Variants in EHBP1 observed in about 807,000 individuals in gnomAD.
The protein encoded by EHBP1 is EH domain-binding protein 1.
EHBP1 carries 55 observed loss-of-function variants against 144.0 expected under a neutral mutation model. The ratio of observed to expected loss-of-function variants is 0.38; its 90% CI spans 0.31 to 0.48. The LOEUF (loss-of-function observed/expected upper bound fraction) is 0.48, where lower values mean the gene tolerates loss of function less well. EHBP1 is among the 20% of genes least tolerant of loss of function. The pLI is 0.98. For synonymous variants in EHBP1, 469 were observed against 472.7 expected, an observed-to-expected ratio of 0.99 and a Z score of 0.10; for missense variants, 1,200 against 1,364.2, an observed-to-expected ratio of 0.88 and a Z score of 1.90.
At chr2:62,993,724 C>A (rs546297330) in intron 17 of EHBP1, 56 bp downstream of exon 17, 8 of 919,126 alleles carry the variant, frequency 8.7e-6, no homozygotes, top group Non-Finnish European at 1.2e-5. Flanking sequence ...ATATAGATAT[C>A]TATATATAGT....
At chr2:62,812,179 G>A in intron 5 of EHBP1, among the ~76,000 whole-genome samples, 1 of 152,150 alleles carries the variant, frequency 6.6e-6, no homozygotes. Context: ...CCCCTCACCA[G>A]ATGCTGGCTC....
intron 7 of EHBP1, among the ~76,000 whole-genome samples, chr2:62,843,145 T>A (rs1398653307): frequency 1.3e-5 from 2 of 152,216 alleles, no homozygotes; most frequent in Non-Finnish European, 2.9e-5. Context: ...TTTTATATTT[T>A]ATGAAATTCC....
In EHBP1 at chr2:62,977,173, T is replaced by TA. The variant is rs1299604271; in HGVS notation, c.2461-2002dup. ...CTCTAATTGATGATTCCCCTAGACT[T>TA]AAAAAAAAAAAAAGACATATGCATA... On this transcript the variant is annotated intron_variant, in intron 14 of 22. Transcript: ENST00000431489. 6.3e-3 allele frequency among the ~76,000 whole-genome samples: 888 copies of TA among 141,408 alleles called. 8 individuals are homozygous for TA. Among genetic ancestry groups the TA allele is most frequent in the African/African-American group, 0.018 (705 of 38,620 alleles). 92.8% of individuals were successfully genotyped at this position (141,408 alleles called of 152,430 possible). A position where few individuals can be genotyped will look rare whatever the true frequency, so the allele number is the denominator to read the frequency against.
At chr2:62,868,517 T>C (rs984891438) in intron 9 of EHBP1, among the ~76,000 whole-genome samples, 1 of 152,184 alleles carries the variant, frequency 6.6e-6, no homozygotes, top group African/African-American at 2.4e-5. Flanking sequence ...ACTTCATCAA[T>C]ATTAAAACGT....
rs533913876 is a variant in EHBP1 at position 62,910,656 on chromosome 2, C to G, written c.1186-32062C>G. On this transcript the variant is annotated intron_variant, in intron 10 of 22. Coordinates refer to ENST00000431489, the MANE Select transcript of EHBP1 (RefSeq NM_001142616.3). ...GCTTTGGTAAAATTAAGGTTTTTGC[C>G]CAGCTTTACCTTAAATTTCCTTTTT... Among the ~76,000 whole-genome samples, 5 of 151,870 alleles carry G rather than the reference C, an allele frequency of 3.3e-5. No homozygotes were observed. In the South Asian group the frequency reaches 1.0e-3, roughly 32 times the overall value.
intron 5 of EHBP1, among the ~76,000 whole-genome samples, chr2:62,824,284 C>G (rs2046190777): frequency 6.6e-6 from 1 of 151,768 alleles, no homozygotes; most frequent in South Asian, 2.1e-4. Flanking sequence ...CTTTGTGAAA[C>G]AGATTTGTTT....
chr2:62,991,261 A>T (rs949459689), intron 16 of EHBP1, among the ~76,000 whole-genome samples: 3 of 151,410 alleles, frequency 2.0e-5, no homozygotes, highest in African/African-American at 7.3e-5. Context: ...AAAAAAAAAA[A>T]TTAATTAATT....
intron 18 of EHBP1, among the ~76,000 whole-genome samples, chr2:62,996,073 G>GA (rs1427925965): frequency 1.3e-5 from 2 of 151,958 alleles, no homozygotes; most frequent in African/African-American, 2.4e-5. Context: ...CAGCTGGAGG[G>GA]AAAATTGGAG....
Position 62,997,427 on chromosome 2 carries a change from C to CGTGTGT in EHBP1, c.3103+661_3103+662insGTGTGT, listed in dbSNP as rs748541351. On this transcript the variant is annotated intron_variant, in intron 19 of 22. Coordinates refer to ENST00000431489, the MANE Select transcript of EHBP1 (RefSeq NM_001142616.3). ...CACAATAAGCAATTGGAAAGGAACT[C>CGTGTGT]ATGTGTGTGTGTGTGTGTGTGTGTG... Among the ~76,000 whole-genome samples the CGTGTGT allele has an allele frequency of 1.1e-3, 159 of 139,966 alleles. 2 individuals carry two copies. Among genetic ancestry groups the CGTGTGT allele is most frequent in the South Asian group, 2.7e-3 (11 of 4,138 alleles). The allele number at this position is 139,966 out of a possible 152,430, so 91.8% of individuals were successfully genotyped here.
intron 10 of EHBP1, among the ~76,000 whole-genome samples, chr2:62,892,583 T>G (rs1346394183): frequency 6.6e-6 from 1 of 152,138 alleles, no homozygotes; most frequent in Non-Finnish European, 1.5e-5. Context: ...GTGTTATTCT[T>G]ATTATATATT....
chr2:62,977,266 G>A (rs1421452174), intron 14 of EHBP1, among the ~76,000 whole-genome samples: 3 of 151,774 alleles, frequency 2.0e-5, no homozygotes, highest in Admixed American at 6.6e-5. Flanking sequence ...CTGTTGGACA[G>A]GGCCTTTAAA....
In EHBP1 at chr2:62,918,644, C is replaced by T. The variant is rs1048188270; in HGVS notation, c.1186-24074C>T. ...TTAGGGTCTTGAATTTAAACTTATG[C>T]CCCTAGTTAGTCTTATGATCCTCAT... On this transcript the variant is annotated intron_variant, in intron 10 of 22. Transcript: ENST00000431489. 7.2e-5 allele frequency among the ~76,000 whole-genome samples: 11 copies of T among 152,196 alleles called. No individual in the cohort carries two copies. In the South Asian group the frequency reaches 2.3e-3, roughly 32 times the overall value.
chr2:62,938,067 A>C (rs1414958680), intron 10 of EHBP1, among the ~76,000 whole-genome samples: 26 of 152,196 alleles, frequency 1.7e-4, no homozygotes. Context: ...TGAAGGAAGA[A>C]TTCAAAGGTG....
intron 5 of EHBP1, among the ~76,000 whole-genome samples, chr2:62,809,867 C>G (rs752469140): frequency 6.6e-6 from 1 of 152,164 alleles, no homozygotes; most frequent in Admixed American, 6.5e-5. Flanking sequence ...TTTTTGCTGT[C>G]CTGTACAAAA....
chr2:63,036,548 C>T (rs1322234556), intron 19 of EHBP1, among the ~76,000 whole-genome samples: 4 of 151,690 alleles, frequency 2.6e-5, no homozygotes, highest in Admixed American at 2.0e-4. Context: ...TTATGAATGC[C>T]ATACAGAAGT....
chr2:62,798,431 A>G (rs2043717638), intron 5 of EHBP1, among the ~76,000 whole-genome samples: 1 of 152,122 alleles, frequency 6.6e-6, no homozygotes, highest in Admixed American at 6.5e-5. Context: ...ACTGTTAGAT[A>G]CAGTCAGTTG....
intron 14 of EHBP1, among the ~76,000 whole-genome samples, chr2:62,975,409 T>A (rs555425137): frequency 7.9e-5 from 12 of 152,308 alleles, no homozygotes; most frequent in Non-Finnish European, 1.5e-4. Flanking sequence ...CAGAAGAGCA[T>A]GTGGGATGAG....
Position 62,738,960 on chromosome 2 carries a change from T to C in EHBP1, c.105-8435T>C, listed in dbSNP as rs190386884. 1.1e-4 allele frequency among the ~76,000 whole-genome samples: 17 copies of C among 152,290 alleles called. No individual in the cohort carries two copies. In the East Asian group the frequency reaches 2.1e-3, roughly 19 times the overall value. ...TCATTAGATGATCTTTGGTTGCCTGTTCGCATTTAAGAGGGAGACTGTACA... is the reference window on the plus strand; with the variant it reads ...TCATTAGATGATCTTTGGTTGCCTGCTCGCATTTAAGAGGGAGACTGTACA... On this transcript the variant is annotated intron_variant, in intron 2 of 22. Coordinates refer to ENST00000431489, the MANE Select transcript of EHBP1 (RefSeq NM_001142616.3).
At chr2:62,721,854 A>G (rs2036251431) in intron 2 of EHBP1, among the ~76,000 whole-genome samples, 1 of 152,192 alleles carries the variant, frequency 6.6e-6, no homozygotes, top group African/African-American at 2.4e-5. Flanking sequence ...AGGTTCTGAC[A>G]AGGAGGTACA....
Sources: gnomAD v4.1 joint callset for allele counts (sites outside exome capture counted in the v4.1 genomes callset) on GRCh38, gnomAD v4.1.1 for gene constraint, MANE v1.5 for transcripts, NCBI Gene and HGNC (gene_info 2026-07-23, HGNC 2026-07-21) for gene names.